Variants in AGPAT4 observed in about 807,000 individuals in gnomAD.
AGPAT4 encodes the protein 1-acylglycerol-3-phosphate O-acyltransferase 4.
In AGPAT4, 15 loss-of-function variants were observed where a neutral mutation model predicts 48.0. The ratio of observed to expected loss-of-function variants is 0.31; its 90% CI spans 0.21 to 0.48. The LOEUF is 0.48. Ranked by LOEUF, AGPAT4 falls within the 20% of genes least tolerant of loss-of-function variation. AGPAT4 has a pLI of 0.99. For synonymous variants in AGPAT4, 178 were observed against 198.7 expected (o/e 0.90, Z 0.88); for missense variants, 314 against 482.5 (o/e 0.65, Z 3.27).
chr6:161,191,680 C>G (rs1583316943), intron 2 of AGPAT4, among the ~76,000 whole-genome samples: 1 of 152,190 alleles, frequency 6.6e-6, no homozygotes, highest in African/African-American at 2.4e-5. Context: ...AGCTGTTTGA[C>G]TTTTGTGGAC....
rs1450477936 is a variant in AGPAT4, at chr6:161,166,179, C to A, written c.348+69G>T. On this transcript the variant is annotated intron_variant, in intron 3 of 8. Transcript: ENST00000320285. This position sits in a 1 kb window ranked among gnomAD's most constrained non-coding sequence, Gnocchi z 6.7. ...TCTGCAAGTTCTGAATGACCAGGAG[C>A]AAAAAGACAAGTGGTGGGGCTGAAC... The A allele has an allele frequency of 1.3e-6, 2 of 1,561,514 alleles. No individual in the cohort carries two copies. Among genetic ancestry groups the A allele is most frequent in the African/African-American group, 2.7e-5 (2 of 73,818 alleles).
Position 161,136,488 on chromosome 6 carries a change from C to G in AGPAT4, c.*52G>C, listed in dbSNP as rs1779069623. 1 of 1,539,710 alleles carries G rather than the reference C, an allele frequency of 6.5e-7. No individual in the cohort carries two copies. The highest frequency in any genetic ancestry group is 1.1e-5 in the South Asian group (1 of 89,240). On this transcript the variant is annotated 3_prime_UTR_variant, in exon 9 of 9. Coordinates refer to ENST00000320285, the MANE Select transcript of AGPAT4 (RefSeq NM_020133.3). ...ACCGTGTCCCACTAAGGAGGATATG[C>G]AGAGGCCACCAGTTCCCCAAGGTTC...
Position 161,219,062 on chromosome 6 carries a change from C to A in AGPAT4, c.178+12974G>T, listed in dbSNP as rs949346077. Among the ~76,000 whole-genome samples, 4 of 151,956 alleles carry A rather than the reference C, an allele frequency of 2.6e-5. No individual in the cohort carries two copies. The highest frequency in any genetic ancestry group is 9.7e-5 in the African/African-American group (4 of 41,350). On this transcript the variant is annotated intron_variant, in intron 2 of 8. Transcript: ENST00000320285. The surrounding 1 kb of genome is among the most constrained non-coding windows in gnomAD (Gnocchi z 4.9). ...ACAATGCCTCAGATCCCATCTGGGC[C>A]CAAGATAAACTGAAATAGAGAAAAA...
chr6:161,240,221 TACACACACACACACACACAC>T lies in AGPAT4; in HGVS notation c.-89-7939_-89-7920del, dbSNP rs58550351. Among the ~76,000 whole-genome samples the T allele has an allele frequency of 2.6e-4, 38 of 144,436 alleles. 1 individual carries two copies. Among genetic ancestry groups the T allele is most frequent in the Non-Finnish European group, 2.3e-4 (15 of 65,976 alleles). The allele number at this position is 144,436 out of a possible 152,430, so 94.8% of individuals were successfully genotyped here. ...CACTAACAGCAGATATCTTTGTGTA[TACACACACACACACACACAC>T]ACACACACACACACACACACACACA... On this transcript the variant is annotated intron_variant, in intron 1 of 8. Coordinates refer to ENST00000320285, the MANE Select transcript of AGPAT4 (RefSeq NM_020133.3). This position sits in a 1 kb window ranked among gnomAD's most constrained non-coding sequence, Gnocchi z 5.5.
rs1017867956 is a variant in AGPAT4 at position 161,133,598 on chromosome 6, C to T, written c.*2942G>A. 7.9e-5 allele frequency: 12 copies of T among 152,186 alleles called. No individual in the cohort carries two copies. The highest frequency in any genetic ancestry group is 2.9e-4 in the African/African-American group (12 of 41,422). The allele number at this position is 152,186 out of a possible 1,614,324, so 9.4% of individuals were successfully genotyped here. Reference sequence around the variant, plus strand: ...AAATGGTTGGTGTCTTTTTAAGAGTCCCCGTGGGCTGGCTTTCCTGGAAGA... The same window carrying T: ...AAATGGTTGGTGTCTTTTTAAGAGTTCCCGTGGGCTGGCTTTCCTGGAAGA... On this transcript the variant is annotated 3_prime_UTR_variant, in exon 9 of 9. Coordinates refer to ENST00000320285, the MANE Select transcript of AGPAT4 (RefSeq NM_020133.3).
intron 2 of AGPAT4, among the ~76,000 whole-genome samples, chr6:161,172,968 T>G (rs1283093256): frequency 6.6e-6 from 1 of 152,222 alleles, no homozygotes; most frequent in Admixed American, 6.5e-5. Flanking sequence ...ACAAAGAACA[T>G]GAACTCATCC....
chr6:161,257,477 G>C (rs1014508977), intron 1 of AGPAT4, among the ~76,000 whole-genome samples: 1 of 152,120 alleles, frequency 6.6e-6, no homozygotes, highest in African/African-American at 2.4e-5. Flanking sequence ...TGAGAGAGGC[G>C]TTCTAAGCTG....
chr6:161,246,845 C>A lies in AGPAT4; in HGVS notation c.-89-14543G>T, dbSNP rs368640190. The stretch of plus-strand genomic sequence containing the variant: ...CCATCTGAGTCTCTAGATGACCTAA[C>A]ATAATTTAATTTTCATAGTGGTAAC... On this transcript the variant is annotated intron_variant, in intron 1 of 8. Coordinates refer to ENST00000320285, the MANE Select transcript of AGPAT4 (RefSeq NM_020133.3). The surrounding 1 kb of genome is among the most constrained non-coding windows in gnomAD (Gnocchi z 5.5). 1.3e-5 allele frequency among the ~76,000 whole-genome samples: 2 copies of A among 152,202 alleles called. No homozygotes were observed. Among genetic ancestry groups the A allele is most frequent in the East Asian group, 3.8e-4 (2 of 5,200 alleles).
In AGPAT4 at chr6:161,158,985, G is replaced by A. The variant is rs116480593; in HGVS notation, c.349-4675C>T. 0.015 allele frequency among the ~76,000 whole-genome samples: 2,232 copies of A among 152,314 alleles called. 52 individuals are homozygous for A. Among genetic ancestry groups the A allele is most frequent in the African/African-American group, 0.052 (2,148 of 41,574 alleles). ...CAGTAGGGTTACCAGTTAGTCAAGT[G>A]AGCCAAGGTCATTTATTTCTACTAA... On this transcript the variant is annotated intron_variant, in intron 3 of 8. Coordinates refer to ENST00000320285, the MANE Select transcript of AGPAT4 (RefSeq NM_020133.3). The surrounding 1 kb of genome is among the most constrained non-coding windows in gnomAD (Gnocchi z 5.3).
intron 2 of AGPAT4, among the ~76,000 whole-genome samples, chr6:161,175,241 A>T (rs545719587): frequency 1.3e-5 from 2 of 152,172 alleles, no homozygotes; most frequent in East Asian, 3.9e-4. Context: ...TCCTCTTTGT[A>T]CCTCTGGTAG....
At chr6:161,151,790 T>C (rs1387748165) in intron 5 of AGPAT4, among the ~76,000 whole-genome samples, 1 of 152,220 alleles carries the variant, frequency 6.6e-6, no homozygotes, top group African/African-American at 2.4e-5. Context: ...GCACAGGGTC[T>C]TGACGCTGCT....
Position 161,184,894 on chromosome 6 carries a change from C to T in AGPAT4, c.179-18477G>A, listed in dbSNP as rs572422086. Among the ~76,000 whole-genome samples the T allele has an allele frequency of 1.7e-4, 26 of 152,190 alleles. No individual in the cohort carries two copies. The highest frequency in any genetic ancestry group is 4.6e-4 in the African/African-American group (19 of 41,522). On this transcript the variant is annotated intron_variant, in intron 2 of 8. Coordinates refer to ENST00000320285, the MANE Select transcript of AGPAT4 (RefSeq NM_020133.3). The surrounding 1 kb of genome is among the most constrained non-coding windows in gnomAD (Gnocchi z 4.8). ...TGTCAAACTCAAAGTATCAAGCACC[C>T]ATACATAACTTCTAGTTTACAGGCA... is the stretch of plus-strand genomic sequence containing the variant.
Position 161,198,823 on chromosome 6 carries a change from G to C in AGPAT4, c.179-32406C>G, listed in dbSNP as rs1468494816. On this transcript the variant is annotated intron_variant, in intron 2 of 8. Transcript: ENST00000320285. The surrounding 1 kb of genome is among the most constrained non-coding windows in gnomAD (Gnocchi z 4.3). Reference sequence around the variant, plus strand: ...TGACCTGGAACGTATATGTTGTTTCGAGTAAAGACAAAATTACATAGCTTA... The same window carrying C: ...TGACCTGGAACGTATATGTTGTTTCCAGTAAAGACAAAATTACATAGCTTA... Among the ~76,000 whole-genome samples, 1 of 152,078 alleles carries C rather than the reference G, an allele frequency of 6.6e-6. No individual in the cohort carries two copies. Among genetic ancestry groups the C allele is most frequent in the Admixed American group, 6.6e-5 (1 of 15,262 alleles).
rs1362005725 is a variant in AGPAT4 at position 161,134,542 on chromosome 6, C to T, written c.*1998G>A. The T allele has an allele frequency of 6.6e-6, 1 of 152,118 alleles. No homozygotes were observed. The highest frequency in any genetic ancestry group is 1.5e-5 in the Non-Finnish European group (1 of 68,030). The allele number at this position is 152,118 out of a possible 1,614,324, so 9.4% of individuals were successfully genotyped here. A position where few individuals can be genotyped will look rare whatever the true frequency, so the allele number is the denominator to read the frequency against. ...GTGCTCTTTTACCCTTGACACACCC[C>T]AAGAGGTAGATATCGTCACCCCCAT... is the stretch of plus-strand genomic sequence containing the variant. On this transcript the variant is annotated 3_prime_UTR_variant, in exon 9 of 9. Transcript: ENST00000320285.
intron 2 of AGPAT4, among the ~76,000 whole-genome samples, chr6:161,213,184 C>T (rs542047230): frequency 5.8e-4 from 89 of 152,246 alleles, no homozygotes; most frequent in African/African-American, 1.9e-3. Context: ...TGGCTGGGCT[C>T]GGCTTTAAAA....
At chr6:161,173,329 C>T (rs574884855) in intron 2 of AGPAT4, among the ~76,000 whole-genome samples, 1 of 152,260 alleles carries the variant, frequency 6.6e-6, no homozygotes, top group African/African-American at 2.4e-5. Context: ...TTTTAATGAT[C>T]GCCATTCTAA....
chr6:161,255,039 C>A lies in AGPAT4; in HGVS notation c.-90+18899G>T, dbSNP rs1215986624. Among the ~76,000 whole-genome samples the A allele has an allele frequency of 1.3e-5, 2 of 152,182 alleles. No homozygotes were observed. The highest frequency in any genetic ancestry group is 4.8e-5 in the African/African-American group (2 of 41,434). The stretch of plus-strand genomic sequence containing the variant: ...TGCAGAGCCAGATACGGTTACACAG[C>A]CCTTCTGAAGCAAAGATACACTAAG... On this transcript the variant is annotated intron_variant, in intron 1 of 8. Coordinates refer to ENST00000320285, the MANE Select transcript of AGPAT4 (RefSeq NM_020133.3). The surrounding 1 kb of genome is among the most constrained non-coding windows in gnomAD (Gnocchi z 4.7).
In AGPAT4 at chr6:161,208,419, C is replaced by T. The variant is rs960107707; in HGVS notation, c.178+23617G>A. 1.3e-5 allele frequency among the ~76,000 whole-genome samples: 2 copies of T among 152,044 alleles called. No homozygotes were observed. The highest frequency in any genetic ancestry group is 6.6e-5 in the Admixed American group (1 of 15,260). ...TTAACAGCTCAATTAAACTCATGTACACACTTATGTATACAAATGCACGCA... is the reference window on the plus strand; with the variant it reads ...TTAACAGCTCAATTAAACTCATGTATACACTTATGTATACAAATGCACGCA... On this transcript the variant is annotated intron_variant, in intron 2 of 8. Transcript: ENST00000320285. This position sits in a 1 kb window ranked among gnomAD's most constrained non-coding sequence, Gnocchi z 4.6.
intron 5 of AGPAT4, among the ~76,000 whole-genome samples, chr6:161,152,019 G>A (rs779065941): frequency 1.3e-5 from 2 of 152,240 alleles, no homozygotes; most frequent in Non-Finnish European, 2.9e-5. Flanking sequence ...GAAGGACCTC[G>A]GAGGTGGCTG....
Sources: allele counts gnomAD v4.1 joint callset (sites outside exome capture counted in the v4.1 genomes callset), GRCh38; gene constraint gnomAD v4.1.1; non-coding constraint Gnocchi (gnomAD v3.1); transcripts MANE v1.5; gene names NCBI Gene and HGNC (gene_info 2026-07-23, HGNC 2026-07-21).